RUFY3: variants seen among roughly 807,000 people sequenced by gnomAD.
RUFY3 encodes the protein protein RUFY3.
RUFY3 carries 34 observed loss-of-function variants against 84.0 expected under a neutral mutation model. The observed-to-expected ratio is 0.40, with a 90% CI of 0.31 to 0.54. The LOEUF (loss-of-function observed/expected upper bound fraction) is 0.54, where lower values mean the gene tolerates loss of function less well. Ranked by LOEUF, RUFY3 falls within the 20% of genes least tolerant of loss-of-function variation. The pLI is 0.39. For missense variants in RUFY3, 507 were observed against 736.8 expected, an observed-to-expected ratio of 0.69 and a Z score of 3.61; for synonymous variants, 242 against 252.9, an observed-to-expected ratio of 0.96 and a Z score of 0.41.
At chr4:70,710,239 T>G (rs1740818385) in intron 1 of RUFY3, among the ~76,000 whole-genome samples, 1 of 152,260 alleles carries the variant, frequency 6.6e-6, no homozygotes, top group Admixed American at 6.5e-5. Context: ...TATGTATATA[T>G]CATATATATT....
intron 12 of RUFY3, among the ~76,000 whole-genome samples, chr4:70,790,721 G>C (rs958458115): frequency 6.6e-6 from 1 of 152,108 alleles, no homozygotes; most frequent in Non-Finnish European, 1.5e-5. Flanking sequence ...ATTAGTTAAC[G>C]AATCTTTTAA....
At chr4:70,725,079 C>A (rs55696026) in intron 1 of RUFY3, among the ~76,000 whole-genome samples, 24,982 of 152,028 alleles carry the variant, frequency 0.16, 5,046 homozygotes, top group African/African-American at 0.48. Flanking sequence ...AATAGGCAAA[C>A]AGCATAATGT....
At chr4:70,792,226 G>A (rs1447457160) in intron 12 of RUFY3, 2 of 985,250 alleles carry the variant, frequency 2.0e-6, no homozygotes, top group Non-Finnish European at 2.4e-6. Context: ...ATTCTGCCTG[G>A]CCTGTCATTT....
chr4:70,797,884 A>G (rs1291308135), intron 14 of RUFY3, among the ~76,000 whole-genome samples: 1 of 152,164 alleles, frequency 6.6e-6, no homozygotes, highest in Non-Finnish European at 1.5e-5. Context: ...TCTGTGTAGC[A>G]TGCTATCTTT....
upstream of RUFY3, among the ~76,000 whole-genome samples, chr4:70,718,662 T>A (rs534149872): frequency 1.3e-5 from 2 of 152,342 alleles, no homozygotes; most frequent in Admixed American, 1.3e-4. Flanking sequence ...TAACTTCATA[T>A]TCAAAGCTAA....
At chr4:70,732,349 T>G (rs1719409288) in intron 1 of RUFY3, among the ~76,000 whole-genome samples, 1 of 152,228 alleles carries the variant, frequency 6.6e-6, no homozygotes, top group Non-Finnish European at 1.5e-5. Context: ...TGTGTACTAT[T>G]TATCGTAGAT....
intron 1 of RUFY3, among the ~76,000 whole-genome samples, chr4:70,733,950 G>A (rs1322704002): frequency 3.9e-5 from 6 of 152,150 alleles, no homozygotes; most frequent in Admixed American, 1.3e-4. Context: ...ATTAACGGGT[G>A]TGCAATCATC....
intron 1 of RUFY3, among the ~76,000 whole-genome samples, chr4:70,713,177 C>T (rs1741181782): frequency 6.6e-6 from 1 of 152,138 alleles, no homozygotes; most frequent in Non-Finnish European, 1.5e-5. Context: ...GCATGCACCA[C>T]CACACCCACC....
chr4:70,743,184 C>T (rs921652162), intron 1 of RUFY3, among the ~76,000 whole-genome samples: 46 of 152,230 alleles, frequency 3.0e-4, no homozygotes, highest in African/African-American at 1.0e-3. Flanking sequence ...ATTCTCCTGC[C>T]TCAGCTTCCT....
At chr4:70,754,605 C>T (rs891620382) in intron 1 of RUFY3, among the ~76,000 whole-genome samples, 2 of 149,762 alleles carry the variant, frequency 1.3e-5, no homozygotes, top group African/African-American at 4.9e-5. Flanking sequence ...ATCAGGCTAA[C>T]TAAATGGTGT....
At chr4:70,706,947 A>G (rs1447170914) in intron 1 of RUFY3, among the ~76,000 whole-genome samples, 1 of 152,238 alleles carries the variant, frequency 6.6e-6, no homozygotes, top group East Asian at 1.9e-4. Context: ...TAATCTACAT[A>G]TTAAGCATGC....
chr4:70,736,152 C>CA (rs1020403164), intron 1 of RUFY3, among the ~76,000 whole-genome samples: 3,252 of 60,342 alleles, frequency 0.054, 52 homozygotes, highest in Middle Eastern at 0.17. Context: ...GACCCTGTCT[C>CA]AAAAAAAAAA....
chr4:70,716,518 T>G (rs1741643198), intron 1 of RUFY3, among the ~76,000 whole-genome samples: 2 of 152,142 alleles, frequency 1.3e-5, no homozygotes, highest in Middle Eastern at 3.4e-3. Flanking sequence ...AAACTACATA[T>G]GCACACTACG....
At chr4:70,713,660 G>A (rs544405533) in intron 1 of RUFY3, among the ~76,000 whole-genome samples, 2 of 152,292 alleles carry the variant, frequency 1.3e-5, no homozygotes, top group Admixed American at 6.5e-5. Context: ...AGCTGAAGTC[G>A]TTGTAGCATG....
chr4:70,704,550 A>C, upstream of RUFY3: 17 of 162,740 alleles, frequency 1.0e-4, no homozygotes, highest in East Asian at 1.7e-4. Context: ...GGGGGCGGGT[A>C]AGGAAGAGGC....
At chr4:70,774,438 A>C (rs1727484018) in intron 6 of RUFY3, among the ~76,000 whole-genome samples, 1 of 148,832 alleles carries the variant, frequency 6.7e-6, no homozygotes, top group South Asian at 2.1e-4. Flanking sequence ...GTGAAACCCC[A>C]TCTCTACAAT....
upstream of RUFY3, among the ~76,000 whole-genome samples, chr4:70,721,210 G>T (rs1742241754): frequency 6.6e-6 from 1 of 151,974 alleles, no homozygotes; most frequent in African/African-American, 2.4e-5. Flanking sequence ...TACTCGGGAG[G>T]CTGAGGCAGA....
intron 8 of RUFY3, among the ~76,000 whole-genome samples, chr4:70,780,987 T>C (rs55649837): frequency 0.068 from 10,355 of 151,624 alleles, 549 homozygotes; most frequent in East Asian, 0.2. Flanking sequence ...CAGTGGCTCA[T>C]GCCTGTAATC....
At chr4:70,737,016 A>G (rs1720427260) in intron 1 of RUFY3, among the ~76,000 whole-genome samples, 1 of 152,268 alleles carries the variant, frequency 6.6e-6, no homozygotes, top group Non-Finnish European at 1.5e-5. Flanking sequence ...ATTTTTATAC[A>G]CATTGCCAAA....
Sources: allele counts gnomAD v4.1 joint callset (sites outside exome capture counted in the v4.1 genomes callset), GRCh38; gene constraint gnomAD v4.1.1; transcripts MANE v1.5; gene names NCBI Gene and HGNC (gene_info 2026-07-23, HGNC 2026-07-21).